The following ANKRD30B variants were observed in gnomAD, a reference collection of about 807,000 sequenced individuals.
ANKRD30B encodes the protein ankyrin repeat domain-containing protein 30B.
Under a neutral mutation model 202.2 loss-of-function variants are expected in ANKRD30B, and 144 were observed. The observed-to-expected ratio is 0.71, with a 90% confidence interval of 0.62 to 0.82. ANKRD30B has a LOEUF of 0.82. ANKRD30B is among the 40% of genes least tolerant of loss of function. The pLI, the probability that ANKRD30B is intolerant of heterozygous loss-of-function variation, is 0.00. For missense variants in ANKRD30B, 1,487 were observed against 1,669.1 expected, an observed-to-expected ratio of 0.89 and a Z score of 1.90; for synonymous variants, 508 against 561.3, an observed-to-expected ratio of 0.91 and a Z score of 1.34.
intron 1 of ANKRD30B, among the ~76,000 whole-genome samples, chr18:14,750,974 T>C (rs2143625795): frequency 6.6e-6 from 1 of 152,200 alleles, no homozygotes; most frequent in Admixed American, 6.5e-5. Flanking sequence ...AGTAAAAGTT[T>C]ATTATTAATG....
chr18:14,806,297 TA>T (rs1355261255), intron 24 of ANKRD30B, among the ~76,000 whole-genome samples: 1 of 150,828 alleles, frequency 6.6e-6, no homozygotes, highest in East Asian at 1.9e-4. Context: ...TCATGGTGAC[TA>T]AAAAGCATCA....
the ANKRD30B span, among the ~76,000 whole-genome samples, chr18:14,881,225 C>A: frequency 1.3e-5 from 2 of 152,148 alleles, no homozygotes; most frequent in African/African-American, 4.8e-5. Flanking sequence ...GTGGGTTTGT[C>A]CTAGATGGCT....
At chr18:14,879,387 C>G in the ANKRD30B span, among the ~76,000 whole-genome samples, 1 of 152,158 alleles carries the variant, frequency 6.6e-6, no homozygotes, top group Non-Finnish European at 1.5e-5. Context: ...ATGACACCCC[C>G]ATCGCTCATA....
At chr18:14,787,917 C>T (rs575427225) in intron 15 of ANKRD30B, among the ~76,000 whole-genome samples, 1 of 152,162 alleles carries the variant, frequency 6.6e-6, no homozygotes, top group Non-Finnish European at 1.5e-5. Flanking sequence ...TACCTGTTTG[C>T]TTTCATTTAG....
At chr18:14,773,033 T>C (rs1967113350) in intron 9 of ANKRD30B, among the ~76,000 whole-genome samples, 2 of 152,174 alleles carry the variant, frequency 1.3e-5, no homozygotes, top group Admixed American at 1.3e-4. Flanking sequence ...CAGTGTGTTT[T>C]CTAAGTTTTT....
At chr18:14,798,394 G>T (rs1015020252) in intron 20 of ANKRD30B, among the ~76,000 whole-genome samples, 1 of 151,934 alleles carries the variant, frequency 6.6e-6, no homozygotes, top group Non-Finnish European at 1.5e-5. Context: ...TGTGTGCATC[G>T]GTAATTTCTA....
At chr18:14,904,415 G>A in the ANKRD30B span, among the ~76,000 whole-genome samples, 2 of 152,086 alleles carry the variant, frequency 1.3e-5, no homozygotes, top group Non-Finnish European at 2.9e-5. Context: ...TCAGTTTTGG[G>A]GGACTGTTCT....
chr18:14,866,447 G>T, the ANKRD30B span, among the ~76,000 whole-genome samples: 1 of 152,122 alleles, frequency 6.6e-6, no homozygotes, highest in East Asian at 1.9e-4. Context: ...AGCCGGGGCG[G>T]TAGGAGTGCA....
Position 14,768,787 on chromosome 18 carries a change from A to G in ANKRD30B, c.1226-556A>G, listed in dbSNP as rs567437154. Among the ~76,000 whole-genome samples the G allele has an allele frequency of 7.2e-5, 11 of 152,296 alleles. No homozygotes were observed. The South Asian group carries it at 2.1e-3, about 29-fold the overall frequency. ...CTTAGTTCATTTTTCTAGAAATTAT[A>G]CTTTCTAAGGTTGACACTGTCCACT... is the stretch of plus-strand genomic sequence containing the variant. On this transcript the variant is annotated intron_variant, in intron 7 of 43. Transcript: ENST00000690538.
chr18:14,866,363 A>G, the ANKRD30B span, among the ~76,000 whole-genome samples: 1 of 151,992 alleles, frequency 6.6e-6, no homozygotes, highest in South Asian at 2.1e-4. Context: ...GGGTGGCCTG[A>G]GTGGTAGGAG....
intron 42 of ANKRD30B, chr18:14,852,682 C>T (rs1971941966): frequency 3.8e-6 from 1 of 259,796 alleles, no homozygotes; most frequent in Non-Finnish European, 7.1e-6. Context: ...ATGACATTGG[C>T]TTATACTGCT....
chr18:14,790,943 T>C (rs1012170420), intron 15 of ANKRD30B, among the ~76,000 whole-genome samples: 25 of 152,284 alleles, frequency 1.6e-4, no homozygotes, highest in Non-Finnish European at 3.1e-4. Context: ...TTTCTATTGA[T>C]TGGAATAGTT....
chr18:14,933,475 T>A, the ANKRD30B span, among the ~76,000 whole-genome samples: 5 of 151,604 alleles, frequency 3.3e-5, no homozygotes, highest in Admixed American at 3.3e-4. Context: ...TGGGGCCAGG[T>A]GGGAGCTGGG....
At chr18:14,750,837 G>A (rs1423048868) in intron 1 of ANKRD30B, among the ~76,000 whole-genome samples, 1 of 152,014 alleles carries the variant, frequency 6.6e-6, no homozygotes, top group Non-Finnish European at 1.5e-5. Flanking sequence ...ACAGACTATG[G>A]TCTTGTGTTA....
chr18:14,908,139 G>A, the ANKRD30B span, among the ~76,000 whole-genome samples: 1 of 152,160 alleles, frequency 6.6e-6, no homozygotes, highest in African/African-American at 2.4e-5. Flanking sequence ...AAGCAAAGAG[G>A]AGGCATGGCT....
chr18:14,936,188 C>G, the ANKRD30B span, among the ~76,000 whole-genome samples: 1 of 152,138 alleles, frequency 6.6e-6, no homozygotes, highest in Non-Finnish European at 1.5e-5. Flanking sequence ...GCTTATGGAC[C>G]TAAGAGTTGC....
chr18:14,917,667 A>C, the ANKRD30B span, among the ~76,000 whole-genome samples: 1 of 152,232 alleles, frequency 6.6e-6, no homozygotes, highest in African/African-American at 2.4e-5. Context: ...GTACACCCTG[A>C]ACAGCAGGCG....
the ANKRD30B span, among the ~76,000 whole-genome samples, chr18:14,860,883 T>G: frequency 6.6e-6 from 1 of 152,006 alleles, no homozygotes; most frequent in Non-Finnish European, 1.5e-5. Flanking sequence ...TTTGGTATTT[T>G]TAATAGGGAG....
Position 14,852,242 on chromosome 18 carries a change from G to C in ANKRD30B, c.4298G>C (p.Arg1433Pro), listed in dbSNP as rs765182639. The stretch of plus-strand genomic sequence containing the variant: ...CTAGAAAGCAAAAATAGGTGGCTTC[G>C]ACAGCAATTAGTTTATGCACATAAG... Reference protein sequence around the residue: ...FQLESKNRWLRQQLVYAHKKV... With the variant: ...FQLESKNRWLPQQLVYAHKKV... The change falls in exon 42 of 44, where the codon CGA becomes CCA. Residue 1433 changes from arginine to proline, a missense_variant. Coordinates refer to ENST00000690538, the MANE Select transcript of ANKRD30B (RefSeq NM_001367607.2). 1 of 1,563,688 alleles carries C rather than the reference G, an allele frequency of 6.4e-7. No homozygotes were observed. The highest frequency in any genetic ancestry group is 8.7e-7 in the Non-Finnish European group (1 of 1,153,412).
Sources: allele counts gnomAD v4.1 joint callset (sites outside exome capture counted in the v4.1 genomes callset), GRCh38; gene constraint gnomAD v4.1.1; transcripts MANE v1.5; gene names NCBI Gene and HGNC (gene_info 2026-07-23, HGNC 2026-07-21).